Variants in ECT2L observed in about 807,000 individuals in gnomAD.
ECT2L encodes epithelial cell transforming 2 like.
A neutral mutation model predicts 122.8 loss-of-function variants in ECT2L; 126 were observed. The ratio of observed to expected loss-of-function variants is 1.03; its 90% CI spans 0.89 to 1.19. ECT2L has a LOEUF of 1.19. Among genes scored for constraint, ECT2L ranks in the 50% most tolerant of loss-of-function variants. The probability of loss-of-function intolerance (pLI) is 0.00; values close to 1 mark genes in which losing one functional copy is unlikely to be tolerated. For synonymous variants in ECT2L, 385 were observed against 381.8 expected, an observed-to-expected ratio of 1.01 and a Z score of -0.10; for missense variants, 1,012 against 1,064.1, an observed-to-expected ratio of 0.95 and a Z score of 0.68.
Position 138,843,055 on chromosome 6 carries a change from C to T in ECT2L, c.419C>T (p.Ala140Val). The T allele has an allele frequency of 6.2e-7, 1 of 1,613,590 alleles. No homozygotes were observed. The highest frequency in any genetic ancestry group is 8.5e-7 in the Non-Finnish European group (1 of 1,179,666). The change falls in exon 6 of 22, where the codon GCT becomes GTT. Residue 140 changes from alanine to valine, a missense_variant. Physicochemically the swap from Ala to Val is moderately conservative, Grantham distance 64. Transcript: ENST00000541398. ...ACTCCAACAGATAATGAGTATGGTG[C>T]TTGGAAGCGCCATTACATTGCTTGT... Reference protein sequence around the residue: ...PYTPTDNEYGAWKRHYIACVS... With the variant: ...PYTPTDNEYGVWKRHYIACVS...
rs1469679525 is a variant in ECT2L at position 138,903,456 on chromosome 6, G to A, written c.*829G>A. On this transcript the variant is annotated 3_prime_UTR_variant, in exon 22 of 22. Transcript: ENST00000541398. Reference sequence around the variant, plus strand: ...CTTAGTATGAATGTACTCCTCTAGAGAGCATTAAAGATATACCACTACAAA... The same window carrying A: ...CTTAGTATGAATGTACTCCTCTAGAAAGCATTAAAGATATACCACTACAAA... The A allele has an allele frequency of 6.6e-6, 1 of 151,846 alleles. No individual in the cohort carries two copies. The highest frequency in any genetic ancestry group is 1.5e-5 in the Non-Finnish European group (1 of 67,980). 9.4% of individuals were successfully genotyped at this position (151,846 alleles called of 1,614,324 possible). A position where few individuals can be genotyped will look rare whatever the true frequency, so the allele number is the denominator to read the frequency against.
chr6:138,886,936 G>C lies in ECT2L; in HGVS notation c.2325+14G>C. 1 of 1,604,374 alleles carries C rather than the reference G, an allele frequency of 6.2e-7. No individual in the cohort carries two copies. Among genetic ancestry groups the C allele is most frequent in the Non-Finnish European group, 8.5e-7 (1 of 1,172,370 alleles). ...TGGGGATGCCCTGTATGTATTCTTA[G>C]GAACTTGCTGTATCTCATGCTCATG... On this transcript the variant is annotated intron_variant, in intron 19 of 21. Transcript: ENST00000541398.
chr6:138,807,171 G>T (rs1775741256), intron 1 of ECT2L, among the ~76,000 whole-genome samples: 2 of 150,868 alleles, frequency 1.3e-5, no homozygotes, highest in East Asian at 3.9e-4. Context: ...ACAGGGTTTT[G>T]CCATGTTGTC....
intron 20 of ECT2L, among the ~76,000 whole-genome samples, chr6:138,900,654 G>A (rs1041365974): frequency 6.6e-6 from 1 of 152,138 alleles, no homozygotes; most frequent in Non-Finnish European, 1.5e-5. Context: ...CATAAAGAAG[G>A]GAAAGTCAGT....
At chr6:138,811,802 C>T (rs554503741) in intron 1 of ECT2L, among the ~76,000 whole-genome samples, 113 of 152,206 alleles carry the variant, frequency 7.4e-4, no homozygotes, top group African/African-American at 2.5e-3. Flanking sequence ...CCTCAGCCTC[C>T]GAAGTAGCTG....
intron 8 of ECT2L, among the ~76,000 whole-genome samples, chr6:138,847,371 T>C (rs1777263199): frequency 1.2e-5 from 1 of 84,836 alleles, no homozygotes; most frequent in South Asian, 5.0e-4. Flanking sequence ...TTTTTTTTTT[T>C]TTTTTTTTTT....
intron 13 of ECT2L, 120 bp from the exon 14 acceptor site, chr6:138,876,352 G>C (rs1252399577): frequency 1.6e-6 from 1 of 642,872 alleles, no homozygotes; most frequent in African/African-American, 1.8e-5. Flanking sequence ...ATTGTGTGTA[G>C]GGAACACTGT....
intron 1 of ECT2L, among the ~76,000 whole-genome samples, chr6:138,804,275 A>C (rs1045257648): frequency 6.6e-6 from 1 of 152,214 alleles, no homozygotes; most frequent in Non-Finnish European, 1.5e-5. Context: ...AGTGTGAGAA[A>C]GGGGTCCAAT....
In ECT2L at chr6:138,862,636, T is replaced by C. The variant is rs756925456; in HGVS notation, c.1208T>C (p.Ile403Thr). Residue 403 changes from isoleucine (I) to threonine (T), a missense_variant, in exon 11 of 22, where the codon ATT becomes ACT. By Grantham distance (89) the Ile-to-Thr change is moderately conservative (BLOSUM62 -1). Coordinates refer to ENST00000541398, the MANE Select transcript of ECT2L (RefSeq NM_001077706.3). ...GTTTTTGACTATGCAGAGGCAGGAATTGAAGTTCTTTCCCAGCTGTCTCAA... is the reference window on the plus strand; with the variant it reads ...GTTTTTGACTATGCAGAGGCAGGAACTGAAGTTCTTTCCCAGCTGTCTCAA... ...FVPLGASEAGIEVLSQLSQLT... is the reference protein window; with the variant it reads ...FVPLGASEAGTEVLSQLSQLT... The C allele has an allele frequency of 1.9e-5, 30 of 1,614,006 alleles. No homozygotes were observed. The highest frequency in any genetic ancestry group is 6.6e-5 in the South Asian group (6 of 91,072).
At chr6:138,823,439 A>G in intron 4 of ECT2L, 2 of 1,608,172 alleles carry the variant, frequency 1.2e-6, no homozygotes, top group Non-Finnish European at 1.7e-6. Flanking sequence ...TGAAGATGCC[A>G]AACATTAAAA....
At chr6:138,845,390 G>C (rs752226910) in intron 7 of ECT2L, among the ~76,000 whole-genome samples, 5 of 151,964 alleles carry the variant, frequency 3.3e-5, no homozygotes, top group African/African-American at 4.8e-5. Flanking sequence ...CTATAGGTGC[G>C]CACTACCATG....
rs1212347764 is a variant in ECT2L, at chr6:138,813,706, C to G, written c.66+366C>G. Among the ~76,000 whole-genome samples, 4 of 152,150 alleles carry G rather than the reference C, an allele frequency of 2.6e-5. 1 individual carries two copies. The highest frequency in any genetic ancestry group is 2.6e-4 in the Admixed American group (4 of 15,268). On this transcript the variant is annotated intron_variant, in intron 3 of 21. Coordinates refer to ENST00000541398, the MANE Select transcript of ECT2L (RefSeq NM_001077706.3). ...CTGTATTTGTAATCCTCTCTTCCCT[C>G]CTGTGCCAACTGGATGGTTCCATGT...
intron 4 of ECT2L, among the ~76,000 whole-genome samples, chr6:138,817,287 A>G (rs1397025929): frequency 2.0e-5 from 3 of 152,220 alleles, no homozygotes; most frequent in Non-Finnish European, 4.4e-5. Context: ...TCTCTTAGCT[A>G]TACATATAGG....
chr6:138,865,044 T>A lies in ECT2L; in HGVS notation c.1340T>A (p.Ile447Asn). 1.2e-6 allele frequency: 2 copies of A among 1,614,048 alleles called. No homozygotes were observed. Among genetic ancestry groups the A allele is most frequent in the Non-Finnish European group, 1.7e-6 (2 of 1,179,992 alleles). Residue 447 changes from isoleucine (I) to asparagine (N), a missense_variant, in exon 12 of 22, where the codon ATC (isoleucine) becomes AAC (asparagine). Ile to Asn is a moderately radical substitution (Grantham distance 149). Coordinates refer to ENST00000541398, the MANE Select transcript of ECT2L (RefSeq NM_001077706.3). ...CAATGGGGAAAGGCCCCCTCTTCCATCTACTTCTGCGAATCGAAGCTACAG... is the reference window on the plus strand; with the variant it reads ...CAATGGGGAAAGGCCCCCTCTTCCAACTACTTCTGCGAATCGAAGCTACAG... ...GSQWGKAPSSIYFCESKLQTW... is the reference protein window; with the variant it reads ...GSQWGKAPSSNYFCESKLQTW...
At chr6:138,844,388 C>T (rs560141592) in intron 6 of ECT2L, 24 bp from the exon 7 acceptor site, 44 of 1,609,752 alleles carry the variant, frequency 2.7e-5, no homozygotes, top group Admixed American at 6.7e-5. Flanking sequence ...TAATCAGCCC[C>T]GCCTGCTGTT....
chr6:138,869,912 C>A (rs1337696386), intron 13 of ECT2L, among the ~76,000 whole-genome samples: 1 of 152,124 alleles, frequency 6.6e-6, no homozygotes, highest in Admixed American at 6.5e-5. Context: ...TCTTGAGAGA[C>A]CCTCCCATAA....
In ECT2L at chr6:138,847,354, AC is replaced by A. The variant is rs1777260071; in HGVS notation, c.903+678del. Among the ~76,000 whole-genome samples the A allele has an allele frequency of 2.6e-4, 29 of 111,014 alleles. 2 individuals are homozygous for A. The highest frequency in any genetic ancestry group is 1.2e-3 in the African/African-American group (29 of 24,896). The allele number at this position is 111,014 out of a possible 152,430, so 72.8% of individuals were successfully genotyped here. On this transcript the variant is annotated intron_variant, in intron 8 of 21. Coordinates refer to ENST00000541398, the MANE Select transcript of ECT2L (RefSeq NM_001077706.3). ...TTTTGAAAAAGCATTAAAGGCCCAA[AC>A]TTTTTTTTTTTTTTTTTTTTTTTTT...
chr6:138,817,090 C>T (rs1389320886), intron 4 of ECT2L, among the ~76,000 whole-genome samples: 4 of 152,214 alleles, frequency 2.6e-5, no homozygotes, highest in African/African-American at 7.2e-5. Context: ...CATATTATAA[C>T]GTTCTCAAGG....
intron 4 of ECT2L, among the ~76,000 whole-genome samples, chr6:138,830,534 C>T (rs901421416): frequency 6.6e-6 from 1 of 152,186 alleles, no homozygotes. Context: ...CCAGTTTCAA[C>T]TCACTACTCA....
Sources: gnomAD v4.1 joint callset for allele counts (sites outside exome capture counted in the v4.1 genomes callset) on GRCh38, gnomAD v4.1.1 for gene constraint, MANE v1.5 for transcripts, NCBI Gene and HGNC (gene_info 2026-07-23, HGNC 2026-07-21) for gene names.